HMGN2: variants seen among roughly 807,000 people sequenced by gnomAD.
HMGN2 encodes the protein non-histone chromosomal protein HMG-17.
Under a neutral mutation model 16.9 loss-of-function variants are expected in HMGN2, and 2 were observed. That is an observed-to-expected ratio of 0.12 (90% CI 0.05 to 0.37). The LOEUF is 0.37. Ranked by LOEUF, HMGN2 falls within the 10% of genes least tolerant of loss-of-function variation. The pLI, the probability that HMGN2 is intolerant of heterozygous loss-of-function variation, is 1.00. For missense variants in HMGN2, 90 were observed against 106.0 expected, an observed-to-expected ratio of 0.85 and a Z score of 0.66; for synonymous variants, 31 against 34.9, an observed-to-expected ratio of 0.89 and a Z score of 0.39.
intron 1 of HMGN2, among the ~76,000 whole-genome samples, chr1:26,472,889 C>T (rs2075581833): frequency 6.6e-6 from 1 of 151,832 alleles, no homozygotes; most frequent in African/African-American, 2.4e-5. Flanking sequence ...TCCTCGGGCT[C>T]GCCGCCCCCG....
Position 26,474,614 on chromosome 1 carries a change from G to T in HMGN2, c.184G>T (p.Ala62Ser), listed in dbSNP as rs2075596112. ...CAAAGGGAAAAAGGGAAAAGCTGAT[G>T]CTGGCAAGGAGGGGAATAACCCTGC... is the stretch of plus-strand genomic sequence containing the variant. ...VPKGKKGKADAGKEGNNPAEN... is the reference protein window; with the variant it reads ...VPKGKKGKADSGKEGNNPAEN... The change falls in exon 5 of 6, where the codon GCT becomes TCT. Residue 62 changes from alanine (A) to serine (S), a missense_variant. Ala to Ser is a moderately conservative substitution (Grantham distance 99). Transcript: ENST00000361427. The T allele has an allele frequency of 1.3e-6, 2 of 1,597,746 alleles. No homozygotes were observed. Among genetic ancestry groups the T allele is most frequent in the African/African-American group, 2.7e-5 (2 of 74,620 alleles).
Position 26,473,609 on chromosome 1 carries a change from T to A in HMGN2, c.60+82T>A. ...CGGTGATTAACCGTAACCTGTGTCC[T>A]GAATTTACACTCCTATAATCTAGAG... On this transcript the variant is annotated intron_variant, in intron 2 of 5. Coordinates refer to ENST00000361427, the MANE Select transcript of HMGN2 (RefSeq NM_005517.4). 5 of 1,550,114 alleles carry A rather than the reference T, an allele frequency of 3.2e-6. No individual in the cohort carries two copies. The South Asian group carries it at 4.5e-5, about 14-fold the overall frequency.
At chr1:26,474,805 A>C in intron 5 of HMGN2, 138 bp downstream of exon 5, 3 of 637,658 alleles carry the variant, frequency 4.7e-6, no homozygotes, top group Non-Finnish European at 8.4e-6. Flanking sequence ...TGTTAACTTA[A>C]ATCCTGGATT....
In HMGN2 at chr1:26,473,540, C is replaced by G. The variant is rs760073771; in HGVS notation, c.60+13C>G. On this transcript the variant is annotated intron_variant, in intron 2 of 5. Transcript: ENST00000361427. ...GGTGAAGGACGAAGTAAGTCATTCT[C>G]TCTTCAAGGGTCAAAGCCTTGGACT... 9 of 1,607,948 alleles carry G rather than the reference C, an allele frequency of 5.6e-6. No homozygotes were observed. The highest frequency in any genetic ancestry group is 1.6e-4 in the Middle Eastern group (1 of 6,072).
At chr1:26,474,952 C>CTT (rs1185715501) in intron 5 of HMGN2, 161 bp from the exon 6 acceptor site, 7 of 644,342 alleles carry the variant, frequency 1.1e-5, no homozygotes, top group Non-Finnish European at 1.9e-5. Context: ...GGAGAGGTGA[C>CTT]TTAGCAAAGT....
In HMGN2 at chr1:26,474,081, A is replaced by G. The variant is rs1359302379; in HGVS notation, c.91-4A>G. ...ACTTTTTCCTCTCTTCCTGCCAAAA[A>G]AAGAAACCTGCTCCTCCAAAGCCAG... On this transcript the variant is annotated splice_region_variant and splice_polypyrimidine_tract_variant and intron_variant, in intron 3 of 5. Coordinates refer to ENST00000361427, the MANE Select transcript of HMGN2 (RefSeq NM_005517.4). 1 of 1,611,378 alleles carries G rather than the reference A, an allele frequency of 6.2e-7. No individual in the cohort carries two copies. Among genetic ancestry groups the G allele is most frequent in the Non-Finnish European group, 8.5e-7 (1 of 1,179,200 alleles).
rs751404459 is a variant in HMGN2 at position 26,473,765 on chromosome 1, C to G, written c.90+33C>G. The G allele has an allele frequency of 6.9e-6, 11 of 1,605,060 alleles. No homozygotes were observed. In the East Asian group the frequency reaches 2.5e-4, roughly 36 times the overall value. On this transcript the variant is annotated intron_variant, in intron 3 of 5. Transcript: ENST00000361427. ...TATGCTTTTGAATTTTCGTGCTTGTCCCTGAAACTAAAAAACATCAAAAAA... is the reference window on the plus strand; with the variant it reads ...TATGCTTTTGAATTTTCGTGCTTGTGCCTGAAACTAAAAAACATCAAAAAA...
At position 26,473,742 on chromosome 1, in the gene HMGN2, T is replaced by C; in HGVS notation, c.90+10T>C. ...CGCGAGGTTGTCTGCTGTAAGTGTA[T>C]GCTTTTGAATTTTCGTGCTTGTCCC... On this transcript the variant is annotated intron_variant, in intron 3 of 5. Transcript: ENST00000361427. 1.2e-6 allele frequency: 2 copies of C among 1,613,604 alleles called. No individual in the cohort carries two copies. The highest frequency in any genetic ancestry group is 1.3e-5 in the African/African-American group (1 of 75,040).
chr1:26,472,752 T>C (rs1013205719), intron 1 of HMGN2, 125 bp downstream of exon 1: 8 of 848,208 alleles, frequency 9.4e-6, no homozygotes, highest in Non-Finnish European at 1.4e-5. Flanking sequence ...GCGCGGGGGC[T>C]GGAGACGGTG....
intron 1 of HMGN2, 41 bp downstream of exon 1, chr1:26,472,668 C>T: frequency 1.3e-6 from 2 of 1,486,634 alleles, no homozygotes; most frequent in East Asian, 2.5e-5. Context: ...CCACCACTGC[C>T]GCCACCGCCG....
intron 2 of HMGN2, 60 bp from the exon 3 acceptor site, chr1:26,473,643 T>C (rs2075590291): frequency 1.3e-6 from 2 of 1,588,288 alleles, no homozygotes; most frequent in Non-Finnish European, 8.6e-7. Flanking sequence ...AGCAAATTGA[T>C]ACCAAACTTT....
At position 26,475,562 on chromosome 1, in the gene HMGN2, A is replaced by ACCC. The variant is rs1012667040; in HGVS notation, c.*416_*418dup. Reference sequence around the variant, plus strand: ...AAGCCCAGACATCTGTTGAGACCTGACCCCTAGTCATTGGTTACCAGTGTG... The same window carrying ACCC: ...AAGCCCAGACATCTGTTGAGACCTGACCCCCCCTAGTCATTGGTTACCAGTGTG... On this transcript the variant is annotated 3_prime_UTR_variant, in exon 6 of 6. Transcript: ENST00000361427. 2 of 303,828 alleles carry ACCC rather than the reference A, an allele frequency of 6.6e-6. No homozygotes were observed. The highest frequency in any genetic ancestry group is 9.7e-5 in the East Asian group (1 of 10,294). 18.8% of individuals were successfully genotyped at this position (303,828 alleles called of 1,614,324 possible). A position where few individuals can be genotyped will look rare whatever the true frequency, so the allele number is the denominator to read the frequency against.
intron 5 of HMGN2, 68 bp downstream of exon 5, chr1:26,474,735 T>G: frequency 1.3e-6 from 1 of 787,934 alleles, no homozygotes; most frequent in Non-Finnish European, 2.2e-6. Context: ...AAAAATTTAA[T>G]TGCCCTTTTC....
intron 1 of HMGN2, chr1:26,473,125 C>T (rs1050276166): frequency 7.8e-5 from 22 of 283,574 alleles, no homozygotes; most frequent in Non-Finnish European, 1.5e-4. Flanking sequence ...CCACGAGTTC[C>T]CCGGGCTGCG....
chr1:26,473,536 T>C lies in HMGN2; in HGVS notation c.60+9T>C, dbSNP rs1179939829. 6.2e-7 allele frequency: 1 copy of C among 1,610,070 alleles called. No homozygotes were observed. The highest frequency in any genetic ancestry group is 8.5e-7 in the Non-Finnish European group (1 of 1,176,326). On this transcript the variant is annotated intron_variant, in intron 2 of 5. Transcript: ENST00000361427. ...CAAAGGTGAAGGACGAAGTAAGTCATTCTCTCTTCAAGGGTCAAAGCCTTG... is the reference window on the plus strand; with the variant it reads ...CAAAGGTGAAGGACGAAGTAAGTCACTCTCTCTTCAAGGGTCAAAGCCTTG...
intron 1 of HMGN2, chr1:26,473,197 A>C: frequency 2.3e-6 from 1 of 433,150 alleles, no homozygotes; most frequent in Non-Finnish European, 4.1e-6. Context: ...CCGCCTCCGG[A>C]GGGGGTTTGT....
chr1:26,473,674 A>G (rs1352311530), intron 2 of HMGN2, 29 bp from the exon 3 acceptor site: 9 of 1,613,080 alleles, frequency 5.6e-6, no homozygotes, highest in Non-Finnish European at 7.6e-6. Flanking sequence ...TACCTGTCCT[A>G]TTTCTAACTT....
At chr1:26,473,120 A>C in intron 1 of HMGN2, 1 of 258,540 alleles carries the variant, frequency 3.9e-6, no homozygotes, top group Non-Finnish European at 7.4e-6. Flanking sequence ...GCCGCCCACG[A>C]GTTCCCCGGG....
At chr1:26,473,995 C>T (rs941894481) in intron 3 of HMGN2, 90 bp from the exon 4 acceptor site, 28 of 1,114,462 alleles carry the variant, frequency 2.5e-5, no homozygotes, top group Non-Finnish European at 3.4e-5. Context: ...AGAAACTTCT[C>T]TACCCTTGGT....
Sources: allele counts gnomAD v4.1 joint callset (sites outside exome capture counted in the v4.1 genomes callset), GRCh38; gene constraint gnomAD v4.1.1; transcripts MANE v1.5; gene names NCBI Gene and HGNC (gene_info 2026-07-23, HGNC 2026-07-21).